The following SUPT20H variants were observed in gnomAD, a reference collection of about 807,000 sequenced individuals.
The protein encoded by SUPT20H is SPT20 homolog, SAGA complex component, also known as transcription factor SPT20 homolog.
In SUPT20H, 82 loss-of-function variants were observed where a neutral mutation model predicts 122.8. That is an observed-to-expected ratio of 0.67 (90% confidence interval 0.56 to 0.80). The LOEUF is 0.80. Among genes scored for constraint, SUPT20H ranks in the 30% least tolerant of loss-of-function variants. SUPT20H has a pLI of 0.00. For synonymous variants in SUPT20H, 291 were observed against 313.0 expected (o/e 0.93, Z 0.74); for missense variants, 831 against 921.6 (o/e 0.90, Z 1.27).
At chr13:37,010,955 G>GC in intron 24 of SUPT20H, 1 of 211,438 alleles carries the variant, frequency 4.7e-6, no homozygotes, top group Non-Finnish European at 9.6e-6. Context: ...TTGTTTAGAA[G>GC]AGTATATTAT....
At chr13:37,041,197 G>A (rs1431936702) in intron 7 of SUPT20H, among the ~76,000 whole-genome samples, 1 of 152,132 alleles carries the variant, frequency 6.6e-6, no homozygotes, top group African/African-American at 2.4e-5. Flanking sequence ...ATTAATAAGA[G>A]GGAAGCTAAA....
intron 13 of SUPT20H, among the ~76,000 whole-genome samples, chr13:37,029,282 A>C (rs1452255639): frequency 6.6e-6 from 1 of 152,240 alleles, no homozygotes; most frequent in Non-Finnish European, 1.5e-5. Flanking sequence ...TAATCCCAGT[A>C]CTTTGGGAGG....
chr13:37,030,577 T>C (rs898218985), intron 12 of SUPT20H, among the ~76,000 whole-genome samples: 2 of 152,176 alleles, frequency 1.3e-5, no homozygotes, highest in Non-Finnish European at 2.9e-5. Flanking sequence ...TGCTACTCAA[T>C]GTGTGGTCCA....
chr13:37,050,645 G>C (rs1365581584), intron 2 of SUPT20H, among the ~76,000 whole-genome samples: 2 of 151,894 alleles, frequency 1.3e-5, no homozygotes, highest in East Asian at 3.9e-4. Context: ...AACTTCAAAG[G>C]GTCTAGTGAG....
In SUPT20H at chr13:37,024,388, G is replaced by A. The variant is rs1261458232; in HGVS notation, c.1384C>T (p.Arg462Ter). The A allele has an allele frequency of 1.9e-6, 3 of 1,591,938 alleles. No individual in the cohort carries two copies. The highest frequency in any genetic ancestry group is 1.7e-6 in the Non-Finnish European group (2 of 1,172,192). The change falls in exon 18 of 26, where the codon CGA (arginine) becomes TGA (stop). Residue 462 changes from arginine to a stop codon, truncating the protein, a stop_gained. Transcript: ENST00000350612. LOFTEE classifies it high-confidence loss of function. ...GAGGGAAGTTTGATTGGTGGGGGTC[G>A]ATGTTTTACACCCTTCCCCAATACC... ...SSVLGKGVKH[R>*]PPPIKLPSSS... is the part of the protein sequence containing the mutation.
At chr13:37,023,924 G>A (rs1487409675) in intron 19 of SUPT20H, 111 bp downstream of exon 19, 4 of 1,106,504 alleles carry the variant, frequency 3.6e-6, no homozygotes, top group Non-Finnish European at 3.8e-6. Flanking sequence ...TACATTTTGG[G>A]TACACAGTAC....
intron 5 of SUPT20H, among the ~76,000 whole-genome samples, chr13:37,045,946 T>C (rs1566314652): frequency 6.6e-6 from 1 of 152,040 alleles, no homozygotes; most frequent in Non-Finnish European, 1.5e-5. Context: ...ATTCAACAGC[T>C]CCTTAAAAAC....
intron 5 of SUPT20H, among the ~76,000 whole-genome samples, chr13:37,046,575 C>T (rs958357899): frequency 6.6e-6 from 1 of 152,132 alleles, no homozygotes; most frequent in African/African-American, 2.4e-5. Context: ...TTTATAAAAA[C>T]ATGCAGTAGG....
chr13:37,012,392 C>A, intron 23 of SUPT20H, 95 bp from the exon 24 acceptor site: 2 of 843,302 alleles, frequency 2.4e-6, no homozygotes, highest in Non-Finnish European at 1.9e-6. Context: ...TGAAAGAAAG[C>A]AGTATTAGAC....
intron 1 of SUPT20H, among the ~76,000 whole-genome samples, chr13:37,052,420 G>A (rs2139267432): frequency 6.6e-6 from 1 of 152,246 alleles, no homozygotes; most frequent in Admixed American, 6.5e-5. Flanking sequence ...ACAAGCAATG[G>A]GGAGAGGATT....
rs997678251 is a variant in SUPT20H at position 37,047,765 on chromosome 13, T to C, written c.98+113A>G. 23 of 1,253,030 alleles carry C rather than the reference T, an allele frequency of 1.8e-5. 1 individual carries two copies. In the Admixed American group the frequency reaches 5.8e-4, roughly 32 times the overall value. The allele number at this position is 1,253,030 out of a possible 1,614,324, so 77.6% of individuals were successfully genotyped here. A position where few individuals can be genotyped will look rare whatever the true frequency, so the allele number is the denominator to read the frequency against. On this transcript the variant is annotated intron_variant, in intron 4 of 25. Transcript: ENST00000350612. ...CTAACATCAACTTAGAAATTCCTAA[T>C]ACATGCAAAGAACCTATAAAATTTC...
intron 21 of SUPT20H, among the ~76,000 whole-genome samples, chr13:37,021,036 G>GT (rs11376929): frequency 0.84 from 127,384 of 152,156 alleles, 54,338 homozygotes; most frequent in East Asian, 1. Flanking sequence ...GACACAAATG[G>GT]TAAGCTGTAC....
At chr13:37,051,460 A>G in intron 2 of SUPT20H, 28 bp downstream of exon 2, 2 of 1,603,320 alleles carry the variant, frequency 1.2e-6, no homozygotes, top group Non-Finnish European at 1.7e-6. Context: ...CTAAAACACA[A>G]ATTTGAACAT....
chr13:37,021,480 AGTGCATTTG>A lies in SUPT20H; in HGVS notation c.1775_1783del (p.Pro592_Ala594del). On this transcript the variant is annotated inframe_deletion, in exon 21 of 26. Coordinates refer to ENST00000350612, the MANE Select transcript of SUPT20H (RefSeq NM_001014286.3). ...AGAAGCTGCCTGCATTGCACTGGGCAGTGCATTTGGTAGCAGACCTCCTGAGGGTAGAAG... is the reference window on the plus strand; with the variant it reads ...AGAAGCTGCCTGCATTGCACTGGGCAGTAGCAGACCTCCTGAGGGTAGAAG... The A allele has an allele frequency of 1.2e-6, 2 of 1,613,990 alleles. No homozygotes were observed. The highest frequency in any genetic ancestry group is 1.7e-6 in the Non-Finnish European group (2 of 1,179,934).
At chr13:37,019,712 C>T (rs1475584190) in intron 21 of SUPT20H, among the ~76,000 whole-genome samples, 1 of 152,150 alleles carries the variant, frequency 6.6e-6, no homozygotes, top group African/African-American at 2.4e-5. Flanking sequence ...ATGAATATAA[C>T]AAAACTATCA....
chr13:37,049,979 C>A (rs1167267371), intron 2 of SUPT20H, among the ~76,000 whole-genome samples: 1 of 152,092 alleles, frequency 6.6e-6, no homozygotes, highest in Non-Finnish European at 1.5e-5. Context: ...CTACCACCCA[C>A]CAAAGTCCCA....
chr13:37,046,728 T>G (rs558330496), intron 5 of SUPT20H: 1 of 152,264 alleles, frequency 6.6e-6, no homozygotes, highest in East Asian at 1.9e-4. Flanking sequence ...GGTGTTTCTA[T>G]AATGCACATG....
intron 9 of SUPT20H, among the ~76,000 whole-genome samples, chr13:37,035,724 G>T (rs983495773): frequency 2.0e-5 from 3 of 152,046 alleles, no homozygotes; most frequent in Admixed American, 2.0e-4. Flanking sequence ...TAGAGACAGG[G>T]TTTCACCGTA....
intron 17 of SUPT20H, chr13:37,024,999 T>C (rs983546813): frequency 9.2e-5 from 27 of 292,908 alleles, no homozygotes; most frequent in Non-Finnish European, 3.3e-5. Flanking sequence ...TGGAGTGCAG[T>C]GGCGCTATCT....
Sources: allele counts gnomAD v4.1 joint callset (sites outside exome capture counted in the v4.1 genomes callset), GRCh38; gene constraint gnomAD v4.1.1; transcripts MANE v1.5; gene names NCBI Gene and HGNC (gene_info 2026-07-23, HGNC 2026-07-21).